MYCBP2: variants seen among roughly 807,000 people sequenced by gnomAD.
MYCBP2 encodes the protein MYC binding protein 2, also known as E3 ubiquitin-protein ligase MYCBP2.
Under a neutral mutation model 525.3 loss-of-function variants are expected in MYCBP2, and 120 were observed. The ratio of observed to expected loss-of-function variants is 0.23; its 90% confidence interval spans 0.20 to 0.27. The LOEUF is 0.27. Ranked by LOEUF, MYCBP2 falls within the 10% of genes least tolerant of loss-of-function variation. The pLI is 1.00. For missense variants in MYCBP2, 4,149 were observed against 5,657.1 expected, an observed-to-expected ratio of 0.73 and a Z score of 8.55; for synonymous variants, 1,894 against 1,955.8, an observed-to-expected ratio of 0.97 and a Z score of 0.83.
At chr13:77,096,596 A>G in intron 56 of MYCBP2, 115 bp from the exon 57 acceptor site, 1 of 1,068,572 alleles carries the variant, frequency 9.4e-7, no homozygotes, top group Non-Finnish European at 1.3e-6. Flanking sequence ...AAAATACTGA[A>G]GTAGATATCT....
chr13:77,191,427 G>A (rs772141054), intron 28 of MYCBP2, among the ~76,000 whole-genome samples: 4 of 151,982 alleles, frequency 2.6e-5, no homozygotes, highest in Non-Finnish European at 4.4e-5. Context: ...AATCAAGCTC[G>A]TAAACAATGT....
In MYCBP2 at chr13:77,273,637, G is replaced by C. The variant is rs763597190; in HGVS notation, c.780C>G (p.Thr260=). Residue 260 remains threonine (T), a synonymous_variant, in exon 5 of 83, where the codon ACC becomes ACG. Transcript: ENST00000544440. ...TGTCATTCATCCCAGTACTTCGAACGGTGATTTCCAAAAGAAGCTGGAAGA... is the reference window on the plus strand; with the variant it reads ...TGTCATTCATCCCAGTACTTCGAACCGTGATTTCCAAAAGAAGCTGGAAGA... ...ESLFQLLLEI[T]VRSTGMNDST... is the part of the protein sequence containing the mutation. 42 of 1,557,882 alleles carry C rather than the reference G, an allele frequency of 2.7e-5. 1 individual carries two copies. Among genetic ancestry groups the C allele is most frequent in the Non-Finnish European group, 3.5e-5 (40 of 1,157,688 alleles).
intron 59 of MYCBP2, among the ~76,000 whole-genome samples, chr13:77,092,791 T>C (rs929562856): frequency 2.0e-5 from 3 of 152,158 alleles, no homozygotes; most frequent in Non-Finnish European, 4.4e-5. Context: ...AGCTCTTTAC[T>C]CTGATACTAC....
chr13:77,126,134 G>A lies in MYCBP2; in HGVS notation c.7884+184C>T, dbSNP rs1425299822. On this transcript the variant is annotated intron_variant, in intron 53 of 82. Coordinates refer to ENST00000544440, the MANE Select transcript of MYCBP2 (RefSeq NM_015057.5). ...ATTTGTTAATATATTGTTTACACAA[G>A]GATAATTATGCAAATCATTAGACAG... Among the ~76,000 whole-genome samples the A allele has an allele frequency of 2.6e-5, 4 of 152,028 alleles. 1 individual carries two copies. The highest frequency in any genetic ancestry group is 5.9e-5 in the Non-Finnish European group (4 of 67,994).
chr13:77,051,811 C>T lies in MYCBP2; in HGVS notation c.13755G>A (p.Gln4585=), dbSNP rs117836900. The change falls in exon 81 of 83, where the codon CAG becomes CAA. Residue 4585 remains glutamine (Q), a splice_region_variant and synonymous_variant. Coordinates refer to ENST00000544440, the MANE Select transcript of MYCBP2 (RefSeq NM_015057.5). ...CGACSDVSRA[Q]MCPKHGTDFL... ...GTTTCTAATAAAATGTTCTGCCTAC[C>T]TGAGCCCTGGAAACATCAGAACAGG... is the stretch of plus-strand genomic sequence containing the variant. 9.9e-3 allele frequency: 15,989 copies of T among 1,611,182 alleles called. 132 individuals carry two copies. Among genetic ancestry groups the T allele is most frequent in the Middle Eastern group, 0.018 (112 of 6,056 alleles).
At chr13:77,139,115 C>A (rs1279142987) in intron 52 of MYCBP2, 81 bp downstream of exon 52, 5 of 1,455,166 alleles carry the variant, frequency 3.4e-6, no homozygotes, top group Non-Finnish European at 4.6e-6. Context: ...TACCTCAGAA[C>A]TGAAAAGCCT....
At chr13:77,061,086 A>T in intron 76 of MYCBP2, 83 bp downstream of exon 76, 2 of 1,402,440 alleles carry the variant, frequency 1.4e-6, no homozygotes, top group Non-Finnish European at 1.9e-6. Flanking sequence ...ATCACTCAAA[A>T]TTATTCACAG....
intron 15 of MYCBP2, among the ~76,000 whole-genome samples, chr13:77,250,764 CTT>C (rs2071064279): frequency 6.6e-6 from 1 of 152,022 alleles, no homozygotes; most frequent in Non-Finnish European, 1.5e-5. Context: ...ATCAAGTACT[CTT>C]TATGATATCG....
intron 55 of MYCBP2, among the ~76,000 whole-genome samples, chr13:77,110,726 CT>C (rs1181831587): frequency 1.3e-5 from 2 of 152,132 alleles, no homozygotes; most frequent in Non-Finnish European, 2.9e-5. Context: ...TACTCTTTCT[CT>C]TTTTTTCTCA....
chr13:77,210,129 C>A (rs1488549477), intron 23 of MYCBP2, among the ~76,000 whole-genome samples: 1 of 152,082 alleles, frequency 6.6e-6, no homozygotes, highest in Non-Finnish European at 1.5e-5. Context: ...CTATTAGTAT[C>A]CAAAGCTAGA....
chr13:77,057,955 A>C (rs947783966), intron 78 of MYCBP2, among the ~76,000 whole-genome samples: 1 of 148,594 alleles, frequency 6.7e-6, no homozygotes, highest in Admixed American at 6.9e-5. Flanking sequence ...CTCCTGACTC[A>C]GCCTCCTGAG....
rs567582378 is a variant in MYCBP2 at position 77,206,693 on chromosome 13, C to G, written c.3549G>C (p.Arg1183Ser). 1 of 1,609,236 alleles carries G rather than the reference C, an allele frequency of 6.2e-7. No homozygotes were observed. The highest frequency in any genetic ancestry group is 2.2e-5 in the East Asian group (1 of 44,780). Reference protein sequence around the residue: ...SPELALPTGSRALTTRSHAAL... With the variant: ...SPELALPTGSSALTTRSHAAL... ...CTGCATGAGATCGGGTAGTGAGGGC[C>G]CTTGATCCTGTTGGTAAGGCAAGTT... Residue 1183 changes from arginine to serine, a missense_variant, in exon 24 of 83, where the codon AGG (arginine) becomes AGC (serine). This residue lies in a region of MYCBP2 where 620 missense variants were observed against 795.5 expected (regional missense o/e 0.78). Coordinates refer to ENST00000544440, the MANE Select transcript of MYCBP2 (RefSeq NM_015057.5).
chr13:77,146,280 A>G (rs1044771751), intron 47 of MYCBP2, 63 bp from the exon 48 acceptor site: 3 of 1,133,096 alleles, frequency 2.6e-6, no homozygotes, highest in African/African-American at 1.6e-5. Context: ...CAATTAACAG[A>G]GTAATATATT....
chr13:77,283,153 T>C (rs984363140), intron 3 of MYCBP2, among the ~76,000 whole-genome samples: 10 of 152,086 alleles, frequency 6.6e-5, no homozygotes, highest in Non-Finnish European at 8.8e-5. Flanking sequence ...GGGTGGTGAG[T>C]CTGATGCAAT....
intron 54 of MYCBP2, among the ~76,000 whole-genome samples, chr13:77,122,461 G>C (rs984827179): frequency 2.0e-5 from 3 of 151,774 alleles, no homozygotes; most frequent in African/African-American, 7.3e-5. Flanking sequence ...CAGCACTTTG[G>C]GAGGCCAAGG....
chr13:77,159,680 G>GT (rs2154206159), intron 44 of MYCBP2, among the ~76,000 whole-genome samples: 1 of 152,210 alleles, frequency 6.6e-6, no homozygotes, highest in South Asian at 2.1e-4. Flanking sequence ...CTGCTGCCAT[G>GT]TAAGACTTGC....
intron 17 of MYCBP2, among the ~76,000 whole-genome samples, chr13:77,237,359 CTG>C (rs2068072608): frequency 6.6e-6 from 1 of 151,900 alleles, no homozygotes; most frequent in Admixed American, 6.6e-5. Flanking sequence ...GTGTAAGTCT[CTG>C]TACATGATTA....
chr13:77,275,047 C>T (rs1043678567), intron 4 of MYCBP2, among the ~76,000 whole-genome samples: 7 of 152,124 alleles, frequency 4.6e-5, no homozygotes, highest in East Asian at 1.9e-4. Context: ...TCAGTGAGTA[C>T]ATCTGTTGAT....
chr13:77,231,578 T>G (rs2154301075), intron 18 of MYCBP2, among the ~76,000 whole-genome samples: 1 of 152,306 alleles, frequency 6.6e-6, no homozygotes, highest in African/African-American at 2.4e-5. Flanking sequence ...AATCATTATG[T>G]GACATTGGGA....
Sources: allele counts gnomAD v4.1 joint callset (sites outside exome capture counted in the v4.1 genomes callset), GRCh38; gene constraint gnomAD v4.1.1; regional missense constraint gnomAD v4.1.1; transcripts MANE v1.5; gene names NCBI Gene and HGNC (gene_info 2026-07-23, HGNC 2026-07-21).